The following BFSP2 variants were observed in gnomAD, a reference collection of about 807,000 sequenced individuals.
BFSP2 encodes the protein beaded filament structural protein 2.
BFSP2 carries 38 observed loss-of-function variants against 44.9 expected under a neutral mutation model. The observed-to-expected ratio is 0.85, with a 90% confidence interval of 0.65 to 1.11. The LOEUF (loss-of-function observed/expected upper bound fraction) is 1.11. Among genes scored for constraint, BFSP2 ranks in the 50% least tolerant of loss-of-function variants. The probability of loss-of-function intolerance (pLI) is 0.00; values close to 1 mark genes in which losing one functional copy is unlikely to be tolerated. For synonymous variants in BFSP2, 197 were observed against 209.9 expected (o/e 0.94, Z 0.53); for missense variants, 525 against 533.0 (o/e 0.99, Z 0.15).
At chr3:133,442,671 T>C (rs1159872865) in intron 1 of BFSP2, among the ~76,000 whole-genome samples, 1 of 151,872 alleles carries the variant, frequency 6.6e-6, no homozygotes, top group African/African-American at 2.4e-5. Context: ...GAGAAATAAA[T>C]GGATTTGAGA....
chr3:133,432,460 C>T (rs1240676774), intron 1 of BFSP2, among the ~76,000 whole-genome samples: 1 of 152,210 alleles, frequency 6.6e-6, no homozygotes, highest in Admixed American at 6.5e-5. Flanking sequence ...GTCCCAGCAG[C>T]TTACCTGGGC....
At chr3:133,460,139 A>G (rs2074048761) in intron 4 of BFSP2, among the ~76,000 whole-genome samples, 1 of 152,188 alleles carries the variant, frequency 6.6e-6, no homozygotes, top group African/African-American at 2.4e-5. Flanking sequence ...TTTTCCACAA[A>G]AGCAGAGCCA....
chr3:133,448,654 G>A lies in BFSP2; in HGVS notation c.729+9G>A, dbSNP rs1431755052. On this transcript the variant is annotated intron_variant, in intron 3 of 6. Coordinates refer to ENST00000302334, the MANE Select transcript of BFSP2 (RefSeq NM_003571.4). ...CAAGAAACTATGAAGAGGTAGGAGG[G>A]GGCTGGGGTTGCTGGGTTGGCCACA... 9.9e-6 allele frequency: 16 copies of A among 1,613,158 alleles called. No homozygotes were observed. The East Asian group carries it at 2.0e-4, about 20-fold the overall frequency.
At chr3:133,431,449 C>T (rs866956687) in intron 1 of BFSP2, among the ~76,000 whole-genome samples, 2 of 152,076 alleles carry the variant, frequency 1.3e-5, no homozygotes, top group Non-Finnish European at 1.5e-5. Context: ...GCCCGCAGCC[C>T]AGGATTCCTC....
chr3:133,451,050 G>C (rs760431130), intron 4 of BFSP2, among the ~76,000 whole-genome samples: 1 of 142,652 alleles, frequency 7.0e-6, no homozygotes, highest in Non-Finnish European at 1.5e-5. Context: ...GGCGGAGCTT[G>C]TAGTGAGCCA....
chr3:133,453,187 A>G (rs771612353), intron 4 of BFSP2, among the ~76,000 whole-genome samples: 1 of 152,242 alleles, frequency 6.6e-6, no homozygotes. Flanking sequence ...CCTCCAATAA[A>G]TAGTTTTGTC....
At chr3:133,447,449 A>G in intron 2 of BFSP2, 50 bp downstream of exon 2, 1 of 1,572,324 alleles carries the variant, frequency 6.4e-7, no homozygotes. Flanking sequence ...CTAGACTCCT[A>G]GGCAAGTGTG....
intron 5 of BFSP2, among the ~76,000 whole-genome samples, chr3:133,467,376 C>T (rs977270756): frequency 6.6e-6 from 1 of 152,214 alleles, no homozygotes; most frequent in Admixed American, 6.5e-5. Context: ...GGAGCTAGCT[C>T]CATGCTATAG....
At position 133,460,607 on chromosome 3, in the gene BFSP2, G is replaced by A. The variant is rs541899863; in HGVS notation, c.892-6221G>A. Among the ~76,000 whole-genome samples, 151 of 152,314 alleles carry A rather than the reference G, an allele frequency of 9.9e-4. 3 individuals are homozygous for A. Among genetic ancestry groups the A allele is most frequent in the South Asian group, 7.3e-3 (35 of 4,824 alleles). On this transcript the variant is annotated intron_variant, in intron 4 of 6. Transcript: ENST00000302334. The stretch of plus-strand genomic sequence containing the variant: ...GTGACATCTTGTGGAATGTGAGGTT[G>A]GAGAGGCCTTTGTCCCCGGGGGGCT...
chr3:133,433,176 A>G (rs1440089687), intron 1 of BFSP2, among the ~76,000 whole-genome samples: 1 of 151,990 alleles, frequency 6.6e-6, no homozygotes, highest in Non-Finnish European at 1.5e-5. Context: ...CCTGACCCCC[A>G]TGACTGTATC....
At chr3:133,440,295 A>T (rs2073832798) in intron 1 of BFSP2, among the ~76,000 whole-genome samples, 1 of 152,178 alleles carries the variant, frequency 6.6e-6, no homozygotes, top group Non-Finnish European at 1.5e-5. Context: ...GGGAGCTACA[A>T]TTCAAGATGA....
intron 1 of BFSP2, among the ~76,000 whole-genome samples, chr3:133,439,347 T>C (rs1225742427): frequency 6.6e-6 from 1 of 152,268 alleles, no homozygotes; most frequent in Non-Finnish European, 1.5e-5. Flanking sequence ...CTAGCTTGCT[T>C]AGTCTATTCT....
intron 1 of BFSP2, chr3:133,404,994 C>G (rs999364251): frequency 6.6e-5 from 10 of 152,206 alleles, no homozygotes; most frequent in African/African-American, 2.2e-4. Flanking sequence ...ACCAAATGAA[C>G]GATGCTGACA....
At position 133,472,574 on chromosome 3, in the gene BFSP2, C is replaced by G. The variant is rs1381461723; in HGVS notation, c.1244+9C>G. On this transcript the variant is annotated intron_variant, in intron 6 of 6. Coordinates refer to ENST00000302334, the MANE Select transcript of BFSP2 (RefSeq NM_003571.4). ...GACAGGGAGGAGAGCGGGTAAGCCTCGCTTCCGCGTCAATTATCCAAGAGA... is the reference window on the plus strand; with the variant it reads ...GACAGGGAGGAGAGCGGGTAAGCCTGGCTTCCGCGTCAATTATCCAAGAGA... The G allele has an allele frequency of 6.2e-7, 1 of 1,610,124 alleles. No homozygotes were observed.
intron 6 of BFSP2, among the ~76,000 whole-genome samples, chr3:133,472,963 T>C (rs2074180169): frequency 6.6e-6 from 1 of 151,924 alleles, no homozygotes; most frequent in Admixed American, 6.6e-5. Context: ...TTTTTTTTTT[T>C]TTGGATACAG....
intron 1 of BFSP2, among the ~76,000 whole-genome samples, chr3:133,429,967 C>T (rs558960973): frequency 0.01 from 1,582 of 150,712 alleles, 91 homozygotes; most frequent in African/African-American, 0.037. Flanking sequence ...CATGTGTTCT[C>T]ATTGTTCAAT....
intron 4 of BFSP2, among the ~76,000 whole-genome samples, chr3:133,460,727 G>A (rs897963577): frequency 6.6e-6 from 1 of 152,286 alleles, no homozygotes; most frequent in South Asian, 2.1e-4. Context: ...GGGAACCCCT[G>A]TATTCCCACG....
intron 4 of BFSP2, among the ~76,000 whole-genome samples, chr3:133,465,237 C>T (rs1393035636): frequency 6.6e-6 from 1 of 151,996 alleles, no homozygotes; most frequent in Non-Finnish European, 1.5e-5. Context: ...GAACTCCTGA[C>T]TTCAGGTGAT....
chr3:133,446,722 G>C (rs1176366151), intron 1 of BFSP2, among the ~76,000 whole-genome samples: 1 of 145,316 alleles, frequency 6.9e-6, no homozygotes, highest in Non-Finnish European at 1.5e-5. Context: ...ATTCAAGTTT[G>C]AAAAACCACT....
Sources: allele counts gnomAD v4.1 joint callset (sites outside exome capture counted in the v4.1 genomes callset), GRCh38; gene constraint gnomAD v4.1.1; transcripts MANE v1.5; gene names NCBI Gene and HGNC (gene_info 2026-07-23, HGNC 2026-07-21).